Variants in DIAPH3 observed in about 807,000 individuals in gnomAD.
DIAPH3 encodes protein diaphanous homolog 3.
Under a neutral mutation model 144.3 loss-of-function variants are expected in DIAPH3, and 117 were observed. The observed-to-expected ratio is 0.81, with a 90% CI of 0.70 to 0.95. The LOEUF (loss-of-function observed/expected upper bound fraction) is 0.95. Ranked by LOEUF, DIAPH3 falls within the 40% of genes least tolerant of loss-of-function variation. DIAPH3 has a pLI of 0.00. For synonymous variants in DIAPH3, 519 were observed against 488.9 expected (o/e 1.06, Z -0.81); for missense variants, 1,421 against 1,412.7 (o/e 1.01, Z -0.09).
rs776624075 is a variant in DIAPH3 at position 59,666,596 on chromosome 13, T to C, written c.3570A>G (p.Leu1190=). 1 of 1,614,160 alleles carries C rather than the reference T, an allele frequency of 6.2e-7. No individual in the cohort carries two copies. Among genetic ancestry groups the C allele is most frequent in the African/African-American group, 1.3e-5 (1 of 75,066 alleles). Residue 1190 remains leucine (L), a synonymous_variant, in exon 28 of 28, where the codon TTA becomes TTG. Coordinates refer to ENST00000400324, the MANE Select transcript of DIAPH3 (RefSeq NM_001042517.2). ...VPEVEALLAR[L]RAL ...AAACCAGTTTAACTTATAAAGCTCG[T>C]AATCTTGCCAGCAGGGCTTCAACTT...
intron 27 of DIAPH3, among the ~76,000 whole-genome samples, chr13:59,766,343 T>C (rs565929790): frequency 6.6e-6 from 1 of 152,140 alleles, no homozygotes; most frequent in Non-Finnish European, 1.5e-5. Context: ...TTATTTTGTG[T>C]CTCCCTGATC....
intron 1 of DIAPH3, among the ~76,000 whole-genome samples, chr13:60,149,369 T>G (rs1951678273): frequency 2.0e-5 from 3 of 152,132 alleles, no homozygotes; most frequent in Non-Finnish European, 4.4e-5. Flanking sequence ...TCAGGAGTAA[T>G]CATTCCTAAG....
At chr13:59,802,101 A>G (rs1201126082) in intron 25 of DIAPH3, among the ~76,000 whole-genome samples, 1 of 152,218 alleles carries the variant, frequency 6.6e-6, no homozygotes, top group Non-Finnish European at 1.5e-5. Flanking sequence ...AGAACCTATT[A>G]ATAAAAAAAG....
chr13:60,122,430 C>T (rs1208664302), intron 2 of DIAPH3, among the ~76,000 whole-genome samples: 2 of 152,194 alleles, frequency 1.3e-5, no homozygotes, highest in Non-Finnish European at 2.9e-5. Flanking sequence ...CTTTAAATGC[C>T]TGTGAACTAG....
intron 17 of DIAPH3, among the ~76,000 whole-genome samples, chr13:59,941,886 T>C: frequency 6.6e-6 from 1 of 152,112 alleles, no homozygotes; most frequent in East Asian, 1.9e-4. Flanking sequence ...AATATGTACA[T>C]GCAAAGGCCC....
chr13:59,970,285 C>T (rs1223325382), intron 16 of DIAPH3, among the ~76,000 whole-genome samples: 1 of 152,150 alleles, frequency 6.6e-6, no homozygotes. Context: ...ATTTGAAATA[C>T]GATTTAATTA....
intron 27 of DIAPH3, among the ~76,000 whole-genome samples, chr13:59,702,393 A>C (rs578210420): frequency 6.6e-6 from 1 of 152,350 alleles, no homozygotes; most frequent in East Asian, 1.9e-4. Context: ...CTGAAAATGA[A>C]GCGTTATATT....
intron 4 of DIAPH3, among the ~76,000 whole-genome samples, chr13:60,051,633 AC>A (rs749745993): frequency 6.6e-6 from 1 of 152,028 alleles, no homozygotes; most frequent in Non-Finnish European, 1.5e-5. Flanking sequence ...AAACAAGAAA[AC>A]AAAAACCACT....
chr13:60,087,051 A>G (rs186058667), intron 4 of DIAPH3, among the ~76,000 whole-genome samples: 1 of 152,288 alleles, frequency 6.6e-6, no homozygotes, highest in East Asian at 1.9e-4. Context: ...TCTCTAGATG[A>G]CTTATGATAC....
chr13:59,936,088 C>A (rs2048247348), intron 17 of DIAPH3, among the ~76,000 whole-genome samples: 1 of 152,050 alleles, frequency 6.6e-6, no homozygotes, highest in Non-Finnish European at 1.5e-5. Context: ...ACTTAATAAA[C>A]CCTTCATTAT....
At chr13:59,689,777 A>T (rs2033407002) in intron 27 of DIAPH3, among the ~76,000 whole-genome samples, 1 of 133,988 alleles carries the variant, frequency 7.5e-6, no homozygotes. Context: ...TAAGAAAAAA[A>T]ACTGTATTAA....
At chr13:59,790,326 C>G (rs558076101) in intron 25 of DIAPH3, among the ~76,000 whole-genome samples, 1 of 152,274 alleles carries the variant, frequency 6.6e-6, no homozygotes, top group East Asian at 1.9e-4. Flanking sequence ...GTACCTTAAA[C>G]ACAGAACCAT....
At position 60,026,330 on chromosome 13, in the gene DIAPH3, T is replaced by C. The variant is rs184026283; in HGVS notation, c.627-10185A>G. ...GCGTAATGATTTGGAAAGCTAAAAA[T>C]AGATTACTTTTTAAATTGCTGTAGA... On this transcript the variant is annotated intron_variant, in intron 5 of 27. Transcript: ENST00000400324. Among the ~76,000 whole-genome samples the C allele has an allele frequency of 1.9e-4, 29 of 152,278 alleles. No individual in the cohort carries two copies. In the East Asian group the frequency reaches 5.0e-3, roughly 26 times the overall value.
intron 21 of DIAPH3, among the ~76,000 whole-genome samples, chr13:59,867,199 CAGG>C (rs1354364044): frequency 6.0e-5 from 9 of 151,158 alleles, no homozygotes; most frequent in Non-Finnish European, 1.3e-4. Context: ...ATGGTTGAGG[CAGG>C]AGAACTGCAT....
intron 4 of DIAPH3, among the ~76,000 whole-genome samples, chr13:60,075,073 G>T (rs770932251): frequency 9.9e-5 from 15 of 152,072 alleles, no homozygotes; most frequent in Non-Finnish European, 1.8e-4. Context: ...GCAATAGTTT[G>T]CATTGATATA....
chr13:59,874,199 C>T (rs558531396), intron 21 of DIAPH3, among the ~76,000 whole-genome samples: 1 of 152,252 alleles, frequency 6.6e-6, no homozygotes, highest in South Asian at 2.1e-4. Flanking sequence ...TCAGGATCCA[C>T]ATCCATTCTT....
chr13:59,724,253 CTA>C (rs2035496871), intron 27 of DIAPH3, among the ~76,000 whole-genome samples: 1 of 152,094 alleles, frequency 6.6e-6, no homozygotes, highest in Admixed American at 6.5e-5. Flanking sequence ...ACTGACATTT[CTA>C]TGTTTTATTT....
chr13:59,857,180 C>T (rs955541227), intron 22 of DIAPH3, among the ~76,000 whole-genome samples: 2 of 152,078 alleles, frequency 1.3e-5, no homozygotes, highest in Admixed American at 6.6e-5. Flanking sequence ...AAGAGGTTAA[C>T]GTGTCTTTTG....
intron 24 of DIAPH3, among the ~76,000 whole-genome samples, chr13:59,824,711 C>T (rs80240035): frequency 0.011 from 1,734 of 152,120 alleles, 15 homozygotes; most frequent in Middle Eastern, 0.027. Flanking sequence ...TACCCATCTA[C>T]AAAAAAGAGA....
Sources: gnomAD v4.1 joint callset for allele counts (sites outside exome capture counted in the v4.1 genomes callset) on GRCh38, gnomAD v4.1.1 for gene constraint, MANE v1.5 for transcripts, NCBI Gene and HGNC (gene_info 2026-07-23, HGNC 2026-07-21) for gene names.